PRKG1: variants seen among roughly 807,000 people sequenced by gnomAD.
PRKG1 encodes the protein cGMP-dependent protein kinase 1.
PRKG1 carries 35 observed loss-of-function variants against 88.1 expected under a neutral mutation model. That is an observed-to-expected ratio of 0.40 (90% CI 0.30 to 0.53). PRKG1 has a LOEUF of 0.53. PRKG1 is among the 20% of genes least tolerant of loss of function. The pLI is 0.59. For synonymous variants in PRKG1, 303 were observed against 292.5 expected, an observed-to-expected ratio of 1.04 and a Z score of -0.37; for missense variants, 540 against 839.8, an observed-to-expected ratio of 0.64 and a Z score of 4.41.
intron 9 of PRKG1, among the ~76,000 whole-genome samples, chr10:52,166,703 G>A (rs1158933793): frequency 2.3e-5 from 2 of 88,794 alleles, no homozygotes; most frequent in Non-Finnish European, 3.6e-5. Flanking sequence ...TATTTCTGAC[G>A]TGTATAGCTT....
At chr10:51,699,586 C>A (rs764364012) in intron 3 of PRKG1, 12 of 1,577,058 alleles carry the variant, frequency 7.6e-6, no homozygotes, top group South Asian at 5.8e-5. Flanking sequence ...GCGGATTCTT[C>A]GAGGCGTCTG....
In PRKG1 at chr10:51,693,593, G is replaced by C. The variant is rs558349009; in HGVS notation, c.593-110992G>C. On this transcript the variant is annotated intron_variant, in intron 3 of 17. Transcript: ENST00000373980. ...ATTTTTGTATTTTTAGTAGAGATGG[G>C]GTTTCACCACATTGGCCAGGCTGGT... Among the ~76,000 whole-genome samples the C allele has an allele frequency of 2.0e-5, 3 of 151,948 alleles. No individual in the cohort carries two copies. In the East Asian group the frequency reaches 5.8e-4, roughly 30 times the overall value.
chr10:51,102,404 A>T (rs1844707568), intron 1 of PRKG1, among the ~76,000 whole-genome samples: 1 of 152,066 alleles, frequency 6.6e-6, no homozygotes, highest in Admixed American at 6.6e-5. Flanking sequence ...GATATTTATT[A>T]CTGTAAGTTT....
chr10:51,953,699 AC>A (rs1223917004), intron 5 of PRKG1, among the ~76,000 whole-genome samples: 10 of 152,190 alleles, frequency 6.6e-5, no homozygotes, highest in Admixed American at 4.6e-4. Context: ...CCATGGAAAC[AC>A]CATATTGTGT....
intron 1 of PRKG1, among the ~76,000 whole-genome samples, chr10:51,039,347 C>A (rs191614390): frequency 1.3e-5 from 2 of 152,202 alleles, no homozygotes; most frequent in Admixed American, 1.3e-4. Context: ...TGTTGAGCAC[C>A]TTTTCATATA....
At chr10:52,266,550 C>G (rs757552784) in intron 10 of PRKG1, among the ~76,000 whole-genome samples, 1 of 152,008 alleles carries the variant, frequency 6.6e-6, no homozygotes, top group African/African-American at 2.4e-5. Flanking sequence ...AGCACATGAT[C>G]TCATTCCTTT....
chr10:51,555,660 T>C (rs1837290855), intron 3 of PRKG1, among the ~76,000 whole-genome samples: 1 of 152,006 alleles, frequency 6.6e-6, no homozygotes, highest in Non-Finnish European at 1.5e-5. Flanking sequence ...CTTCTTCCTG[T>C]TGGCAGGTAG....
At chr10:51,537,185 G>A (rs986771059) in intron 3 of PRKG1, among the ~76,000 whole-genome samples, 1 of 152,132 alleles carries the variant, frequency 6.6e-6, no homozygotes, top group Non-Finnish European at 1.5e-5. Context: ...TTAATGTGCT[G>A]AAATAAGTTT....
intron 3 of PRKG1, among the ~76,000 whole-genome samples, chr10:51,524,923 C>A (rs552218482): frequency 3.3e-5 from 5 of 152,174 alleles, no homozygotes; most frequent in African/African-American, 1.2e-4. Context: ...ACAGTTTTTT[C>A]AAGAATGCCT....
chr10:51,383,448 A>G (rs866087945), intron 2 of PRKG1, among the ~76,000 whole-genome samples: 21 of 152,196 alleles, frequency 1.4e-4, no homozygotes, highest in African/African-American at 5.1e-4. Flanking sequence ...AAATTCGCAT[A>G]TTTAATTTTT....
intron 7 of PRKG1, among the ~76,000 whole-genome samples, chr10:52,076,641 G>A (rs1299634319): frequency 6.6e-6 from 1 of 152,140 alleles, no homozygotes; most frequent in Admixed American, 6.5e-5. Flanking sequence ...AGTAGGAAAA[G>A]GCAACCCACA....
At chr10:52,112,657 C>G (rs1035857970) in intron 7 of PRKG1, among the ~76,000 whole-genome samples, 24 of 152,142 alleles carry the variant, frequency 1.6e-4, no homozygotes, top group African/African-American at 5.8e-4. Context: ...AGCCAAAGCT[C>G]TCAGGTTTTG....
intron 3 of PRKG1, among the ~76,000 whole-genome samples, chr10:51,689,515 G>T (rs1255730336): frequency 2.0e-5 from 3 of 152,120 alleles, no homozygotes; most frequent in Non-Finnish European, 4.4e-5. Context: ...GTGCATAGAA[G>T]AACCATTATG....
chr10:52,120,782 C>T (rs1443035188), intron 7 of PRKG1, among the ~76,000 whole-genome samples: 1 of 152,106 alleles, frequency 6.6e-6, no homozygotes, highest in Admixed American at 6.5e-5. Context: ...TGAAACTTTC[C>T]AAGGCTTACG....
At chr10:51,483,394 T>C (rs781609261) in intron 3 of PRKG1, among the ~76,000 whole-genome samples, 4 of 152,196 alleles carry the variant, frequency 2.6e-5, no homozygotes, top group Non-Finnish European at 5.9e-5. Context: ...GTAAAATTTC[T>C]TTTTACTCCA....
chr10:51,461,063 A>G (rs1839731131), intron 2 of PRKG1, among the ~76,000 whole-genome samples: 1 of 152,166 alleles, frequency 6.6e-6, no homozygotes, highest in South Asian at 2.1e-4. Flanking sequence ...ATTCACAACC[A>G]AGAATAACTA....
intron 1 of PRKG1, among the ~76,000 whole-genome samples, chr10:51,045,029 A>G (rs1461718889): frequency 1.3e-5 from 2 of 152,152 alleles, no homozygotes; most frequent in Non-Finnish European, 2.9e-5. Flanking sequence ...GTGGCAAGGA[A>G]ACTATGTTGT....
In PRKG1 at chr10:51,804,667, C is replaced by A; in HGVS notation, c.675C>A (p.Thr225=). 2 of 1,586,740 alleles carry A rather than the reference C, an allele frequency of 1.3e-6. No homozygotes were observed. The highest frequency in any genetic ancestry group is 1.7e-6 in the Non-Finnish European group (2 of 1,156,106). ...IMMRTGLIKH[T]EYMEFLKSVP... ...TGAGGACAGGACTCATCAAGCATAC[C>A]GAGTATATGGAATTTTTAAAAAGGT... Residue 225 remains threonine (T), a synonymous_variant, in exon 4 of 18, where the codon ACC becomes ACA. Transcript: ENST00000373980.
chr10:51,000,922 C>G (rs1842882489), intron 1 of PRKG1, among the ~76,000 whole-genome samples: 1 of 152,142 alleles, frequency 6.6e-6, no homozygotes, highest in Non-Finnish European at 1.5e-5. Flanking sequence ...TGGCCGAGTT[C>G]TCTCTGTATC....
Sources: gnomAD v4.1 joint callset for allele counts (sites outside exome capture counted in the v4.1 genomes callset) on GRCh38, gnomAD v4.1.1 for gene constraint, MANE v1.5 for transcripts, NCBI Gene and HGNC (gene_info 2026-07-23, HGNC 2026-07-21) for gene names.